The following KCND2 variants were observed in gnomAD, a reference collection of about 807,000 sequenced individuals.
KCND2 encodes the protein potassium voltage-gated channel subfamily D member 2.
In KCND2, 16 loss-of-function variants were observed where a neutral mutation model predicts 54.4. The ratio of observed to expected loss-of-function variants is 0.29; its 90% CI spans 0.20 to 0.45. The LOEUF is 0.45. Among genes scored for constraint, KCND2 ranks in the 20% least tolerant of loss-of-function variants. The probability of loss-of-function intolerance (pLI) is 1.00; values close to 1 mark genes in which losing one functional copy is unlikely to be tolerated. For synonymous variants in KCND2, 317 were observed against 310.7 expected (o/e 1.02, Z -0.21); for missense variants, 486 against 824.2 (o/e 0.59, Z 5.02).
intron 1 of KCND2, among the ~76,000 whole-genome samples, chr7:120,707,551 G>A (rs960566988): frequency 2.6e-5 from 4 of 152,102 alleles, no homozygotes; most frequent in Admixed American, 2.0e-4. Context: ...CTAACCTACA[G>A]TAGTTGTAAT....
At chr7:120,496,354 C>T (rs913359980) in intron 1 of KCND2, among the ~76,000 whole-genome samples, 1 of 152,102 alleles carries the variant, frequency 6.6e-6, no homozygotes, top group South Asian at 2.1e-4. Context: ...TAAACTGACT[C>T]CAGGTTGCAC....
intron 1 of KCND2, among the ~76,000 whole-genome samples, chr7:120,345,265 G>T (rs1414287411): frequency 6.6e-6 from 1 of 152,078 alleles, no homozygotes; most frequent in Non-Finnish European, 1.5e-5. Flanking sequence ...TGGTTAATTG[G>T]TCCCTTCAAC....
chr7:120,540,062 AT>A (rs1389850713), intron 1 of KCND2, among the ~76,000 whole-genome samples: 1 of 152,072 alleles, frequency 6.6e-6, no homozygotes, highest in Non-Finnish European at 1.5e-5. Flanking sequence ...TGCCTGGCTA[AT>A]TTTTGTGTAT....
At chr7:120,743,814 C>A (rs1309595730) in intron 4 of KCND2, among the ~76,000 whole-genome samples, 2 of 152,200 alleles carry the variant, frequency 1.3e-5, no homozygotes, top group African/African-American at 4.8e-5. Flanking sequence ...TTAGGCTTTG[C>A]AGCCATGTGG....
intron 1 of KCND2, among the ~76,000 whole-genome samples, chr7:120,567,609 A>G (rs1792313980): frequency 6.6e-6 from 1 of 152,308 alleles, no homozygotes; most frequent in South Asian, 2.1e-4. Flanking sequence ...ATGCTTTCAG[A>G]GAAACACAAA....
intron 1 of KCND2, among the ~76,000 whole-genome samples, chr7:120,318,103 T>C (rs1001226732): frequency 9.2e-5 from 14 of 152,208 alleles, no homozygotes; most frequent in African/African-American, 3.4e-4. Flanking sequence ...TCTTGTCTAA[T>C]TTTTATTCTT....
intron 1 of KCND2, among the ~76,000 whole-genome samples, chr7:120,281,131 G>A (rs1034598267): frequency 8.5e-5 from 13 of 152,246 alleles, no homozygotes; most frequent in African/African-American, 3.1e-4. Flanking sequence ...TCCTGAAAGA[G>A]TTGGCCTATG....
In KCND2 at chr7:120,728,298, T is replaced by TA. The variant is rs200489380; in HGVS notation, c.1116-4605_1116-4604insA. ...GTTCTTCTTCTTTTTTTTTTTTTTT[T>TA]TAAAAATTTTGAGATGGAGTCTCGC... On this transcript the variant is annotated intron_variant, in intron 1 of 5. Coordinates refer to ENST00000331113, the MANE Select transcript of KCND2 (RefSeq NM_012281.3). 1.3e-4 allele frequency among the ~76,000 whole-genome samples: 19 copies of TA among 148,244 alleles called. No individual in the cohort carries two copies. The South Asian group carries it at 1.7e-3, about 13-fold the overall frequency.
chr7:120,492,160 C>G (rs942644653), intron 1 of KCND2, among the ~76,000 whole-genome samples: 5 of 151,898 alleles, frequency 3.3e-5, no homozygotes, highest in African/African-American at 1.2e-4. Context: ...ACTACTCATT[C>G]TTGTGGAATG....
At chr7:120,364,353 A>T (rs1800637064) in intron 1 of KCND2, among the ~76,000 whole-genome samples, 1 of 152,110 alleles carries the variant, frequency 6.6e-6, no homozygotes, top group African/African-American at 2.4e-5. Context: ...GGTACTATTA[A>T]CTCCAGAGAA....
chr7:120,523,075 C>A (rs1391077649), intron 1 of KCND2, among the ~76,000 whole-genome samples: 2 of 152,094 alleles, frequency 1.3e-5, no homozygotes, highest in Non-Finnish European at 2.9e-5. Flanking sequence ...TCCAGTTAAT[C>A]AAATTTTGCA....
intron 1 of KCND2, among the ~76,000 whole-genome samples, chr7:120,651,759 T>C (rs1038572200): frequency 1.3e-5 from 2 of 152,154 alleles, no homozygotes; most frequent in Non-Finnish European, 2.9e-5. Flanking sequence ...TCTTCCTTTT[T>C]CTAAATTTAA....
chr7:120,394,990 C>A (rs11773299), intron 1 of KCND2, among the ~76,000 whole-genome samples: 93,230 of 151,792 alleles, frequency 0.61, 33,169 homozygotes, highest in South Asian at 0.85. Context: ...CACTCTATAC[C>A]ATTCAAATTA....
chr7:120,358,421 A>G (rs756392267), intron 1 of KCND2, among the ~76,000 whole-genome samples: 1 of 152,152 alleles, frequency 6.6e-6, no homozygotes, highest in Non-Finnish European at 1.5e-5. Flanking sequence ...TTGGTGGTAC[A>G]TGGGATAAGC....
intron 1 of KCND2, among the ~76,000 whole-genome samples, chr7:120,374,218 T>A (rs551887766): frequency 5.9e-5 from 9 of 151,966 alleles, no homozygotes; most frequent in African/African-American, 2.2e-4. Context: ...CTTATTCACA[T>A]GATTTTCATA....
At chr7:120,356,281 T>C (rs1040053816) in intron 1 of KCND2, among the ~76,000 whole-genome samples, 7 of 152,154 alleles carry the variant, frequency 4.6e-5, no homozygotes, top group Non-Finnish European at 7.4e-5. Context: ...ACAACATTTT[T>C]TACAAAGTCA....
At chr7:120,650,001 G>A (rs1373109194) in intron 1 of KCND2, among the ~76,000 whole-genome samples, 1 of 152,050 alleles carries the variant, frequency 6.6e-6, no homozygotes, top group African/African-American at 2.4e-5. Context: ...AGTCTGATGG[G>A]CTTCCCTTTG....
chr7:120,559,025 G>T (rs891020354), intron 1 of KCND2, among the ~76,000 whole-genome samples: 1 of 151,972 alleles, frequency 6.6e-6, no homozygotes, highest in South Asian at 2.1e-4. Flanking sequence ...TTCTGTGTGT[G>T]TATGTGTGTG....
chr7:120,316,759 A>G (rs749018889), intron 1 of KCND2, among the ~76,000 whole-genome samples: 39 of 152,148 alleles, frequency 2.6e-4, no homozygotes, highest in Admixed American at 4.6e-4. Flanking sequence ...ACCAAGAATG[A>G]TATCTTTTTT....
Sources: gnomAD v4.1 joint callset for allele counts (sites outside exome capture counted in the v4.1 genomes callset) on GRCh38, gnomAD v4.1.1 for gene constraint, MANE v1.5 for transcripts, NCBI Gene and HGNC (gene_info 2026-07-23, HGNC 2026-07-21) for gene names.